ABLIM2: variants seen among roughly 807,000 people sequenced by gnomAD.
ABLIM2 encodes actin-binding LIM protein 2.
ABLIM2 carries 53 observed loss-of-function variants against 97.7 expected under a neutral mutation model. That is an observed-to-expected ratio of 0.54 (90% CI 0.44 to 0.68). The LOEUF (loss-of-function observed/expected upper bound fraction) is 0.68. Ranked by LOEUF, ABLIM2 falls within the 30% of genes least tolerant of loss-of-function variation. The pLI, the probability that ABLIM2 is intolerant of heterozygous loss-of-function variation, is 0.00. For synonymous variants in ABLIM2, 361 were observed against 345.8 expected (o/e 1.04, Z -0.49); for missense variants, 835 against 867.2 (o/e 0.96, Z 0.47).
At position 8,149,744 on chromosome 4, in the gene ABLIM2, G is replaced by C. The variant is rs1001857472; in HGVS notation, c.10+8936C>G. Among the ~76,000 whole-genome samples the C allele has an allele frequency of 2.0e-4, 31 of 151,660 alleles. No individual in the cohort carries two copies. Among genetic ancestry groups the C allele is most frequent in the African/African-American group, 6.5e-4 (27 of 41,224 alleles). On this transcript the variant is annotated intron_variant, in intron 1 of 20. Coordinates refer to ENST00000447017, the MANE Select transcript of ABLIM2 (RefSeq NM_001130083.2). The surrounding 1 kb of genome is among the most constrained non-coding windows in gnomAD (Gnocchi z 6.4). ...TGGAAGAGCTCTGAGCCCTTGGGAG[G>C]CTGTTGACTGCTGGACACAGAGAAG...
At chr4:8,118,834 C>G (rs540791020) in intron 1 of ABLIM2, among the ~76,000 whole-genome samples, 1 of 152,386 alleles carries the variant, frequency 6.6e-6, no homozygotes, top group African/African-American at 2.4e-5. Flanking sequence ...AGCGTATTCA[C>G]AGACAATGAT....
intron 17 of ABLIM2, chr4:7,989,371 G>T: frequency 1.0e-6 from 1 of 982,378 alleles, no homozygotes; most frequent in South Asian, 4.7e-5. Context: ...GAACCACTTT[G>T]CCTGGCCCCA....
At chr4:8,047,406 T>C (rs952269848) in intron 8 of ABLIM2, among the ~76,000 whole-genome samples, 2 of 150,052 alleles carry the variant, frequency 1.3e-5, no homozygotes, top group Admixed American at 6.6e-5. Flanking sequence ...CCTCCTCCTC[T>C]TCCTCCTCTA....
Position 8,120,902 on chromosome 4 carries a change from G to A in ABLIM2, c.11-14265C>T, listed in dbSNP as rs754848264. Among the ~76,000 whole-genome samples the A allele has an allele frequency of 1.8e-4, 28 of 152,240 alleles. No individual in the cohort carries two copies. Among genetic ancestry groups the A allele is most frequent in the Non-Finnish European group, 2.6e-4 (18 of 68,048 alleles). ...TATAATACAATGTTGACCGTCTCAC[G>A]TAAGAGTACTGTACCGCAGATTGCT... On this transcript the variant is annotated intron_variant, in intron 1 of 20. Coordinates refer to ENST00000447017, the MANE Select transcript of ABLIM2 (RefSeq NM_001130083.2). The surrounding 1 kb of genome is among the most constrained non-coding windows in gnomAD (Gnocchi z 5.6).
At chr4:7,981,483 G>A (rs182015825) in intron 20 of ABLIM2, among the ~76,000 whole-genome samples, 2 of 152,176 alleles carry the variant, frequency 1.3e-5, no homozygotes, top group African/African-American at 4.8e-5. Flanking sequence ...CCGTGGGCCC[G>A]TGTTCTCAGG....
chr4:8,070,070 T>C (rs190991473), intron 6 of ABLIM2, among the ~76,000 whole-genome samples: 4 of 152,174 alleles, frequency 2.6e-5, no homozygotes, highest in Admixed American at 2.6e-4. Flanking sequence ...TCTGAGTGTG[T>C]CTGTGTCATC....
At chr4:7,985,955 T>C (rs1228689480) in intron 17 of ABLIM2, among the ~76,000 whole-genome samples, 2 of 152,224 alleles carry the variant, frequency 1.3e-5, no homozygotes, top group Non-Finnish European at 2.9e-5. Flanking sequence ...CCTGCCCACT[T>C]CCTGCCCCTT....
Position 8,019,945 on chromosome 4 carries a change from AC to A in ABLIM2, c.1369+256del, listed in dbSNP as rs1772336390. Among the ~76,000 whole-genome samples, 1 of 151,944 alleles carries A rather than the reference AC, an allele frequency of 6.6e-6. No individual in the cohort carries two copies. The highest frequency in any genetic ancestry group is 1.5e-5 in the Non-Finnish European group (1 of 67,990). ...CCAGCTCAGACAGCCCTTTTCCTTC[AC>A]CCCATTCCCAGGAGGACAGGTGTAT... On this transcript the variant is annotated intron_variant, in intron 13 of 20. Coordinates refer to ENST00000447017, the MANE Select transcript of ABLIM2 (RefSeq NM_001130083.2). This position sits in a 1 kb window ranked among gnomAD's most constrained non-coding sequence, Gnocchi z 4.3.
At position 8,149,107 on chromosome 4, in the gene ABLIM2, G is replaced by A. The variant is rs766844559; in HGVS notation, c.10+9573C>T. 2.6e-5 allele frequency among the ~76,000 whole-genome samples: 4 copies of A among 152,258 alleles called. No homozygotes were observed. The East Asian group carries it at 5.8e-4, about 22-fold the overall frequency. ...GAGGCTCCGGGGGAGATCCACTTCC[G>A]TGCCTCTTCCAGCTTCTAGGGGCAC... On this transcript the variant is annotated intron_variant, in intron 1 of 20. Transcript: ENST00000447017. This position sits in a 1 kb window ranked among gnomAD's most constrained non-coding sequence, Gnocchi z 6.4.
chr4:8,041,804 C>T (rs1277339755), intron 9 of ABLIM2, among the ~76,000 whole-genome samples: 2 of 151,592 alleles, frequency 1.3e-5, no homozygotes, highest in Admixed American at 6.6e-5. Flanking sequence ...CTCGGGAGGC[C>T]GAGGCAGGAG....
rs1803146802 is a variant in ABLIM2 at position 8,061,618 on chromosome 4, C to A, written c.676-564G>T. 6.6e-6 allele frequency among the ~76,000 whole-genome samples: 1 copy of A among 151,604 alleles called. No homozygotes were observed. Among genetic ancestry groups the A allele is most frequent in the South Asian group, 2.1e-4 (1 of 4,804 alleles). ...CTAATACTGAAATAACCCAAACAAACCACATTGCCTGGTTTGGCTTATTTT... is the reference window on the plus strand; with the variant it reads ...CTAATACTGAAATAACCCAAACAAAACACATTGCCTGGTTTGGCTTATTTT... On this transcript the variant is annotated intron_variant, in intron 6 of 20. Coordinates refer to ENST00000447017, the MANE Select transcript of ABLIM2 (RefSeq NM_001130083.2). This position sits in a 1 kb window ranked among gnomAD's most constrained non-coding sequence, Gnocchi z 4.5.
chr4:8,030,175 C>T lies in ABLIM2; in HGVS notation c.1048-399G>A, dbSNP rs576010476. Among the ~76,000 whole-genome samples the T allele has an allele frequency of 3.3e-5, 5 of 152,260 alleles. No homozygotes were observed. In the East Asian group the frequency reaches 5.8e-4, roughly 18 times the overall value. Reference sequence around the variant, plus strand: ...CCCCAGTCCCTATGGGGGTTTCTCACGTGTGAACTGGGGGCTCTAACGGCC... The same window carrying T: ...CCCCAGTCCCTATGGGGGTTTCTCATGTGTGAACTGGGGGCTCTAACGGCC... On this transcript the variant is annotated intron_variant, in intron 10 of 20. Transcript: ENST00000447017.
intron 16 of ABLIM2, among the ~76,000 whole-genome samples, chr4:7,995,699 A>C (rs1752810410): frequency 6.6e-6 from 1 of 152,230 alleles, no homozygotes; most frequent in Admixed American, 6.5e-5. Flanking sequence ...CAAGGTCCTC[A>C]AACTTCTCCT....
At chr4:8,102,481 G>A (rs1835158238) in intron 2 of ABLIM2, among the ~76,000 whole-genome samples, 1 of 152,164 alleles carries the variant, frequency 6.6e-6, no homozygotes, top group African/African-American at 2.4e-5. Context: ...TGTCTGTCTT[G>A]TTCATGGCTA....
chr4:8,114,365 G>A (rs2176434), intron 1 of ABLIM2, among the ~76,000 whole-genome samples: 108,945 of 152,108 alleles, frequency 0.72, 40,017 homozygotes, highest in South Asian at 0.94. Context: ...GTACAGGCAC[G>A]CACACTTTGC....
intron 1 of ABLIM2, among the ~76,000 whole-genome samples, chr4:8,111,152 A>G (rs1840107041): frequency 1.3e-5 from 2 of 152,258 alleles, no homozygotes; most frequent in South Asian, 4.1e-4. Flanking sequence ...ACGATGAAAT[A>G]TTATTCACCA....
intron 3 of ABLIM2, among the ~76,000 whole-genome samples, chr4:8,089,178 G>T (rs12512090): frequency 0.21 from 31,976 of 152,206 alleles, 4,003 homozygotes; most frequent in Non-Finnish European, 0.3. Flanking sequence ...CAGAGAGCTG[G>T]CCCATCCTCC....
chr4:8,150,215 C>A lies in ABLIM2; in HGVS notation c.10+8465G>T, dbSNP rs1325565848. Reference sequence around the variant, plus strand: ...TGCAGCATCAACTGATGTCATTTTCCATGTGCGATCCCGGGGACACTGAGG... The same window carrying A: ...TGCAGCATCAACTGATGTCATTTTCAATGTGCGATCCCGGGGACACTGAGG... On this transcript the variant is annotated intron_variant, in intron 1 of 20. Transcript: ENST00000447017. The surrounding 1 kb of genome is among the most constrained non-coding windows in gnomAD (Gnocchi z 6.3). 3.3e-5 allele frequency among the ~76,000 whole-genome samples: 5 copies of A among 152,198 alleles called. No individual in the cohort carries two copies. The highest frequency in any genetic ancestry group is 1.2e-4 in the African/African-American group (5 of 41,454).
At chr4:8,098,127 G>A (rs927517960) in intron 2 of ABLIM2, among the ~76,000 whole-genome samples, 1 of 152,148 alleles carries the variant, frequency 6.6e-6, no homozygotes, top group Non-Finnish European at 1.5e-5. Context: ...GCCATGCATG[G>A]TTTCAGAGGG....
Sources: gnomAD v4.1 joint callset for allele counts (sites outside exome capture counted in the v4.1 genomes callset) on GRCh38, gnomAD v4.1.1 for gene constraint, Gnocchi (gnomAD v3.1) non-coding constraint, MANE v1.5 for transcripts, NCBI Gene and HGNC (gene_info 2026-07-23, HGNC 2026-07-21) for gene names.